The following KLF12 variants were observed in gnomAD, a reference collection of about 807,000 sequenced individuals.
KLF12 encodes KLF transcription factor 12.
In KLF12, 9 loss-of-function variants were observed where a neutral mutation model predicts 37.8. The ratio of observed to expected loss-of-function variants is 0.24; its 90% CI spans 0.14 to 0.42. The LOEUF (loss-of-function observed/expected upper bound fraction) is 0.42, where lower values mean the gene tolerates loss of function less well. KLF12 is among the 10% of genes least tolerant of loss of function. The pLI, the probability that KLF12 is intolerant of heterozygous loss-of-function variation, is 1.00. For synonymous variants in KLF12, 208 were observed against 202.1 expected (o/e 1.03, Z -0.25); for missense variants, 411 against 516.0 (o/e 0.80, Z 1.97).
the KLF12 span, among the ~76,000 whole-genome samples, chr13:74,195,209 C>G: frequency 1.3e-5 from 2 of 152,082 alleles, no homozygotes; most frequent in African/African-American, 4.8e-5. Context: ...CTAAAAGAAA[C>G]TTACAGACAG....
the KLF12 span, among the ~76,000 whole-genome samples, chr13:74,212,087 A>G: frequency 6.6e-6 from 1 of 152,200 alleles, no homozygotes; most frequent in African/African-American, 2.4e-5. Flanking sequence ...TGAAGACTGT[A>G]CTGGGTTGGT....
At chr13:74,135,956 G>A (rs1291567189), upstream of KLF12, among the ~76,000 whole-genome samples, 1 of 152,156 alleles carries the variant, frequency 6.6e-6, no homozygotes, top group Non-Finnish European at 1.5e-5. Flanking sequence ...GACAACAAAG[G>A]CGGCGTCTGC....
chr13:74,258,555 C>A, the KLF12 span: 12 of 152,046 alleles, frequency 7.9e-5, no homozygotes, highest in African/African-American at 2.9e-4. Flanking sequence ...TTTTTGTAAA[C>A]GCGGGATCAT....
the KLF12 span, among the ~76,000 whole-genome samples, chr13:74,289,784 G>A: frequency 2.2e-3 from 339 of 152,202 alleles, no homozygotes; most frequent in South Asian, 6.6e-3. Context: ...ATAAAATAAG[G>A]CCAAAGACCC....
At chr13:74,087,829 G>A (rs956807598) in intron 1 of KLF12, among the ~76,000 whole-genome samples, 19 of 151,754 alleles carry the variant, frequency 1.3e-4, no homozygotes, top group Admixed American at 7.2e-4. Flanking sequence ...GGTGTTTCTC[G>A]GTGTATTGTG....
chr13:74,218,624 T>C, the KLF12 span, among the ~76,000 whole-genome samples: 2 of 152,178 alleles, frequency 1.3e-5, no homozygotes, highest in South Asian at 4.1e-4. Context: ...GGGGAATAGA[T>C]AATGCACAAA....
chr13:74,060,492 G>GTGTGTGTGTGTGTGTGTGCGTC (rs1873520860), intron 1 of KLF12, among the ~76,000 whole-genome samples: 7 of 103,134 alleles, frequency 6.8e-5, no homozygotes, highest in African/African-American at 2.3e-4. Flanking sequence ...TTTTGTGTGT[G>GTGTGTGTGTGTGTGTGTGCGTC]TGTGTGTGTG....
In KLF12 at chr13:73,693,826, A is replaced by G. The variant is rs1873951770; in HGVS notation, c.*1664T>C. The stretch of plus-strand genomic sequence containing the variant: ...AACAATAACAACAAAAAATCTCACC[A>G]GCCCCTCAGCCACAGAAAGCTGGAA... On this transcript the variant is annotated 3_prime_UTR_variant, in exon 8 of 8. Coordinates refer to ENST00000377669, the MANE Select transcript of KLF12 (RefSeq NM_007249.5). 1.3e-5 allele frequency: 2 copies of G among 152,656 alleles called. No individual in the cohort carries two copies. The highest frequency in any genetic ancestry group is 4.8e-5 in the African/African-American group (2 of 41,460). 9.5% of individuals were successfully genotyped at this position (152,656 alleles called of 1,614,324 possible).
intron 4 of KLF12, among the ~76,000 whole-genome samples, chr13:73,841,491 C>T (rs1002749016): frequency 6.6e-6 from 1 of 152,146 alleles, no homozygotes; most frequent in African/African-American, 2.4e-5. Flanking sequence ...GGGTTGCATA[C>T]AGCCCACAGC....
At chr13:73,721,401 A>G (rs974878154) in intron 6 of KLF12, among the ~76,000 whole-genome samples, 1 of 152,246 alleles carries the variant, frequency 6.6e-6, no homozygotes, top group Non-Finnish European at 1.5e-5. Flanking sequence ...AACAGCACAC[A>G]TAAGTGTTAT....
intron 1 of KLF12, among the ~76,000 whole-genome samples, chr13:73,997,838 T>C (rs1265171424): frequency 6.6e-6 from 1 of 152,192 alleles, no homozygotes; most frequent in African/African-American, 2.4e-5. Flanking sequence ...CTTATTTCAA[T>C]ATGAAAAACA....
chr13:73,892,135 T>C (rs1169265398), intron 3 of KLF12, among the ~76,000 whole-genome samples: 1 of 152,120 alleles, frequency 6.6e-6, no homozygotes, highest in African/African-American at 2.4e-5. Context: ...ACTCTAGATT[T>C]GGGCATTTTA....
intron 1 of KLF12, among the ~76,000 whole-genome samples, chr13:74,060,498 G>GTGTGTGTGTGTC (rs1555336663): frequency 0.013 from 1,932 of 145,776 alleles, 47 homozygotes; most frequent in African/African-American, 0.04. Context: ...GTGTGTGTGT[G>GTGTGTGTGTGTC]TGTGTGTGTG....
intron 1 of KLF12, among the ~76,000 whole-genome samples, chr13:74,003,148 T>C (rs1271884133): frequency 6.6e-6 from 1 of 152,192 alleles, no homozygotes; most frequent in Non-Finnish European, 1.5e-5. Context: ...GATGCCATCC[T>C]TAGTAACACC....
chr13:74,017,189 T>G (rs1409438002), intron 1 of KLF12, among the ~76,000 whole-genome samples: 4 of 146,034 alleles, frequency 2.7e-5, no homozygotes, highest in Non-Finnish European at 5.9e-5. Flanking sequence ...TATATGCACT[T>G]CCTTGAGTGA....
At chr13:74,241,256 G>A in the KLF12 span, among the ~76,000 whole-genome samples, 7,464 of 149,948 alleles carry the variant, frequency 0.05, 457 homozygotes, top group African/African-American at 0.15. Context: ...TAGGCTGCCC[G>A]GGGGTCAGGG....
At chr13:74,189,907 T>G in the KLF12 span, among the ~76,000 whole-genome samples, 2 of 152,236 alleles carry the variant, frequency 1.3e-5, no homozygotes, top group African/African-American at 4.8e-5. Context: ...ATGTTTCGAC[T>G]AGTCGAAACA....
intron 3 of KLF12, among the ~76,000 whole-genome samples, chr13:73,908,514 T>G (rs1220091632): frequency 6.6e-6 from 1 of 150,856 alleles, no homozygotes; most frequent in Non-Finnish European, 1.5e-5. Flanking sequence ...GGAGTTTCGC[T>G]CCGTTGCCCA....
the KLF12 span, among the ~76,000 whole-genome samples, chr13:74,181,945 C>CAT: frequency 2.0e-5 from 3 of 151,982 alleles, no homozygotes; most frequent in African/African-American, 4.8e-5. Context: ...TGTATGTGCA[C>CAT]ATATATATAT....
Sources: allele counts gnomAD v4.1 joint callset (sites outside exome capture counted in the v4.1 genomes callset), GRCh38; gene constraint gnomAD v4.1.1; transcripts MANE v1.5; gene names NCBI Gene and HGNC (gene_info 2026-07-23, HGNC 2026-07-21).